Variants in NPAT observed in about 807,000 individuals in gnomAD.
NPAT encodes protein NPAT.
Under a neutral mutation model 130.7 loss-of-function variants are expected in NPAT, and 52 were observed. The observed-to-expected ratio is 0.40, with a 90% confidence interval of 0.32 to 0.50. The LOEUF is 0.50. Ranked by LOEUF, NPAT falls within the 20% of genes least tolerant of loss-of-function variation. The pLI, the probability that NPAT is intolerant of heterozygous loss-of-function variation, is 0.68. For missense variants in NPAT, 1,687 were observed against 1,662.6 expected (o/e 1.01, Z -0.26); for synonymous variants, 580 against 584.8 (o/e 0.99, Z 0.12).
intron 6 of NPAT, among the ~76,000 whole-genome samples, chr11:108,188,810 T>C (rs1053298690): frequency 1.3e-5 from 2 of 152,178 alleles, no homozygotes; most frequent in East Asian, 1.9e-4. Context: ...GAAAATATAA[T>C]GTACATTCCA....
intron 2 of NPAT, among the ~76,000 whole-genome samples, chr11:108,194,574 A>AGTGGAGTATG (rs1310215463): frequency 2.0e-5 from 3 of 152,230 alleles, no homozygotes; most frequent in Non-Finnish European, 4.4e-5. Flanking sequence ...ATTGCTGAGT[A>AGTGGAGTATG]GTGGAGTATT....
Position 108,173,551 on chromosome 11 carries a change from T to G in NPAT, c.1433A>C (p.Glu478Ala). ...TTCAATCCCTATAGCCATTTCAGTT[T>G]CAGTGGACATCTGATTGGTGTATAA... Reference protein sequence around the residue: ...AELYTNQMSTETEMAIGIEKN... With the variant: ...AELYTNQMSTATEMAIGIEKN... Residue 478 changes from glutamate to alanine, a missense_variant, in exon 13 of 18, where the codon GAA (glutamate) becomes GCA (alanine). Transcript: ENST00000278612. 6.2e-7 allele frequency: 1 copy of G among 1,614,226 alleles called. No homozygotes were observed. The highest frequency in any genetic ancestry group is 1.6e-4 in the Middle Eastern group (1 of 6,062).
chr11:108,179,259 T>C (rs1308659091), intron 10 of NPAT, among the ~76,000 whole-genome samples: 2 of 152,214 alleles, frequency 1.3e-5, no homozygotes, highest in African/African-American at 4.8e-5. Flanking sequence ...CTAATTTTCA[T>C]CTTATAAATT....
At chr11:108,206,216 T>A (rs1302015537) in intron 1 of NPAT, among the ~76,000 whole-genome samples, 6 of 152,230 alleles carry the variant, frequency 3.9e-5, no homozygotes, top group Non-Finnish European at 8.8e-5. Context: ...TATGCTGTTG[T>A]CACAGGATCC....
chr11:108,208,337 T>G (rs2078349036), intron 1 of NPAT: 2 of 360,540 alleles, frequency 5.5e-6, no homozygotes, highest in African/African-American at 4.4e-5. Flanking sequence ...CTGGGTGAAG[T>G]AGCTCACTTT....
chr11:108,162,631 C>T lies in NPAT; in HGVS notation c.3011-451G>A, dbSNP rs562888476. ...ATTTTTAGTAGAGATGGGGTTTCGC[C>T]ATGTTGGCCAGGCTAGTTTCAAACT... is the stretch of plus-strand genomic sequence containing the variant. On this transcript the variant is annotated intron_variant, in intron 15 of 17. Transcript: ENST00000278612. Among the ~76,000 whole-genome samples the T allele has an allele frequency of 3.9e-5, 6 of 152,250 alleles. No individual in the cohort carries two copies. In the East Asian group the frequency reaches 1.2e-3, roughly 29 times the overall value.
chr11:108,201,166 A>T (rs2078272544), intron 1 of NPAT, among the ~76,000 whole-genome samples: 1 of 152,226 alleles, frequency 6.6e-6, no homozygotes, highest in Non-Finnish European at 1.5e-5. Flanking sequence ...CAGCTCTGTC[A>T]GACTTCAGTG....
At position 108,161,590 on chromosome 11, in the gene NPAT, T is replaced by C. The variant is rs1368900439; in HGVS notation, c.3496A>G (p.Asn1166Asp). 6.2e-7 allele frequency: 1 copy of C among 1,614,214 alleles called. No individual in the cohort carries two copies. The highest frequency in any genetic ancestry group is 1.7e-5 in the Admixed American group (1 of 60,032). The stretch of plus-strand genomic sequence containing the variant: ...TCGCTGCATAATTCATTCTCCTTAT[T>C]AGCTGTTGCTTTATGGAAAGATTCA... Reference protein sequence around the residue: ...VLESFHKATANKENELCSDVE... With the variant: ...VLESFHKATADKENELCSDVE... Residue 1166 changes from asparagine (N) to aspartate (D), a missense_variant, in exon 17 of 18, where the codon AAT becomes GAT. Around this residue, in one of 3 missense-constraint regions of NPAT, gnomAD observed 1,379 missense variants for 1,346.6 expected, o/e 1.02. Transcript: ENST00000278612.
chr11:108,172,898 C>G lies in NPAT; in HGVS notation c.2086G>C (p.Glu696Gln), dbSNP rs572830572. ...ALTPPEGTPV[E>Q]NSHSLPPESV... is the part of the protein sequence containing the mutation. ...TCTGGAGGAAGAGAGTGACTGTTTT[C>G]TACAGGAGTGCCTTCTGGAGGCGTC... The change falls in exon 13 of 18, where the codon GAA becomes CAA. Residue 696 changes from glutamate (E) to glutamine (Q), a missense_variant. By Grantham distance (29) the Glu-to-Gln change is conservative. This residue lies in a region of NPAT where 1,379 missense variants were observed against 1,346.6 expected (regional missense o/e 1.02). Transcript: ENST00000278612. 83 of 1,614,130 alleles carry G rather than the reference C, an allele frequency of 5.1e-5. No homozygotes were observed. The East Asian group carries it at 1.2e-3, about 24-fold the overall frequency.
chr11:108,192,017 G>T, intron 4 of NPAT, 101 bp downstream of exon 4: 2 of 837,100 alleles, frequency 2.4e-6, no homozygotes, highest in Non-Finnish European at 4.2e-6. Context: ...TTCAAAACTG[G>T]ATGAGTGTTA....
At chr11:108,199,579 G>A (rs985910569) in intron 1 of NPAT, among the ~76,000 whole-genome samples, 1 of 152,052 alleles carries the variant, frequency 6.6e-6, no homozygotes, top group Admixed American at 6.6e-5. Context: ...TTCCAAAAAC[G>A]GATGAAGCAC....
chr11:108,165,762 T>C (rs2077896728), intron 15 of NPAT, among the ~76,000 whole-genome samples: 1 of 151,826 alleles, frequency 6.6e-6, no homozygotes, highest in South Asian at 2.1e-4. Flanking sequence ...GTCTCCCGAA[T>C]AGCTGGGACT....
chr11:108,174,747 T>TG (rs1317202191), intron 12 of NPAT, among the ~76,000 whole-genome samples: 1 of 151,838 alleles, frequency 6.6e-6, no homozygotes, highest in African/African-American at 2.4e-5. Context: ...CTTGAGTATC[T>TG]GGGATCACAG....
At chr11:108,222,386 A>C in intron 1 of NPAT, 114 bp downstream of exon 1, 1 of 1,112,018 alleles carries the variant, frequency 9.0e-7, no homozygotes, top group Non-Finnish European at 1.3e-6. Flanking sequence ...TCAACTCGTA[A>C]GCTGGGAGGC....
rs1372550015 is a variant in NPAT, at chr11:108,181,478, AC to A, written c.906+3753del. ...AGACTCTGTCTCAAAAAAAACAAAA[AC>A]AAAAAAAACTTACAGCTATCTATTG... On this transcript the variant is annotated intron_variant, in intron 10 of 17. Transcript: ENST00000278612. 3.3e-5 allele frequency among the ~76,000 whole-genome samples: 5 copies of A among 152,166 alleles called. 1 individual carries two copies. The South Asian group carries it at 1.0e-3, about 32-fold the overall frequency.
At chr11:108,167,223 T>C (rs1292802092) in intron 15 of NPAT, among the ~76,000 whole-genome samples, 1 of 152,198 alleles carries the variant, frequency 6.6e-6, no homozygotes, top group Non-Finnish European at 1.5e-5. Flanking sequence ...CTATCTCTTT[T>C]CTTTTCTGAG....
intron 11 of NPAT, 71 bp from the exon 12 acceptor site, chr11:108,176,445 TTGG>T: frequency 1.8e-6 from 2 of 1,133,712 alleles, no homozygotes; most frequent in South Asian, 2.5e-5. Flanking sequence ...ATACAGCTTG[TTGG>T]TGATTACGCA....
At chr11:108,212,704 G>A (rs2078395690) in intron 1 of NPAT, among the ~76,000 whole-genome samples, 1 of 151,868 alleles carries the variant, frequency 6.6e-6, no homozygotes, top group African/African-American at 2.4e-5. Context: ...CAGCACTCTG[G>A]GAGGCCAAGG....
rs12271119 is a variant in NPAT at position 108,217,758 on chromosome 11, C to A, written c.37+4742G>T. ...CTATAATCCCAGCACTTTGGGAGGC[C>A]GAGGCGCATGGATCACTTGAGGTCA... On this transcript the variant is annotated intron_variant, in intron 1 of 17. Coordinates refer to ENST00000278612, the MANE Select transcript of NPAT (RefSeq NM_002519.3). Among the ~76,000 whole-genome samples the A allele has an allele frequency of 2.6e-5, 4 of 151,968 alleles. 1 individual carries two copies. The highest frequency in any genetic ancestry group is 2.6e-4 in the Admixed American group (4 of 15,262).
Sources: gnomAD v4.1 joint callset for allele counts (sites outside exome capture counted in the v4.1 genomes callset) on GRCh38, gnomAD v4.1.1 for gene constraint, gnomAD v4.1.1 regional missense constraint, MANE v1.5 for transcripts, NCBI Gene and HGNC (gene_info 2026-07-23, HGNC 2026-07-21) for gene names.